The following MYO1D variants were observed in gnomAD, a reference collection of about 807,000 sequenced individuals.
MYO1D encodes the protein myosin ID.
A neutral mutation model predicts 122.0 loss-of-function variants in MYO1D; 83 were observed. The ratio of observed to expected loss-of-function variants is 0.68; its 90% CI spans 0.57 to 0.82. MYO1D has a LOEUF of 0.82. MYO1D is among the 40% of genes least tolerant of loss of function. The pLI, the probability that MYO1D is intolerant of heterozygous loss-of-function variation, is 0.00. For missense variants in MYO1D, 1,157 were observed against 1,269.5 expected, an observed-to-expected ratio of 0.91 and a Z score of 1.35; for synonymous variants, 464 against 446.9, an observed-to-expected ratio of 1.04 and a Z score of -0.48.
chr17:32,600,135 C>CT (rs1462655825), intron 21 of MYO1D, among the ~76,000 whole-genome samples: 1 of 152,240 alleles, frequency 6.6e-6, no homozygotes, highest in African/African-American at 2.4e-5. Flanking sequence ...TGAAAGGAAT[C>CT]TTTTTTTTCT....
chr17:32,523,689 T>G (rs1910237306), intron 21 of MYO1D, among the ~76,000 whole-genome samples: 1 of 150,006 alleles, frequency 6.7e-6, no homozygotes, highest in Admixed American at 6.7e-5. Context: ...TAGTCCCAGC[T>G]ACTTAGGAGG....
intron 19 of MYO1D, among the ~76,000 whole-genome samples, chr17:32,652,420 A>G (rs1000951213): frequency 2.6e-5 from 4 of 152,184 alleles, no homozygotes; most frequent in Admixed American, 6.5e-5. Flanking sequence ...GGCCTTTATT[A>G]TGAGGTAATT....
At chr17:32,813,757 A>G (rs2090591471) in intron 1 of MYO1D, among the ~76,000 whole-genome samples, 1 of 152,214 alleles carries the variant, frequency 6.6e-6, no homozygotes, top group Non-Finnish European at 1.5e-5. Flanking sequence ...GACTGGAGCT[A>G]TGGAGACCAG....
intron 16 of MYO1D, among the ~76,000 whole-genome samples, chr17:32,705,862 T>C (rs2089301175): frequency 6.6e-6 from 1 of 152,134 alleles, no homozygotes; most frequent in Non-Finnish European, 1.5e-5. Flanking sequence ...TCTCATGAGA[T>C]CTGATGGTTT....
At chr17:32,736,213 T>C (rs1470658607) in intron 14 of MYO1D, among the ~76,000 whole-genome samples, 2 of 152,184 alleles carry the variant, frequency 1.3e-5, no homozygotes, top group Admixed American at 6.5e-5. Context: ...TGGGAAGCTG[T>C]AGCAGAGATT....
intron 1 of MYO1D, among the ~76,000 whole-genome samples, chr17:32,813,251 G>T (rs2090587296): frequency 6.6e-6 from 1 of 152,174 alleles, no homozygotes; most frequent in East Asian, 1.9e-4. Context: ...TACGCCAAGG[G>T]CTTAGATACA....
At chr17:32,540,223 G>A (rs1208149959) in intron 21 of MYO1D, among the ~76,000 whole-genome samples, 2 of 150,972 alleles carry the variant, frequency 1.3e-5, no homozygotes, top group East Asian at 3.9e-4. Context: ...CCAACTACTC[G>A]GGAGGCTGAG....
chr17:32,776,020 A>ATTC lies in MYO1D; in HGVS notation c.405_407dup (p.Lys135dup). The ATTC allele has an allele frequency of 6.2e-7, 1 of 1,613,656 alleles. No homozygotes were observed. Among genetic ancestry groups the ATTC allele is most frequent in the Middle Eastern group, 1.7e-4 (1 of 6,054 alleles). On this transcript the variant is annotated inframe_insertion, in exon 4 of 22. Transcript: ENST00000318217. ...AAACACAGTTGGACTTAAGCAACAT[A>ATTC]TTCTTCACTCTTTAACACAGATAAA...
At chr17:32,597,642 C>T (rs113556131) in intron 21 of MYO1D, among the ~76,000 whole-genome samples, 2,926 of 152,038 alleles carry the variant, frequency 0.019, 85 homozygotes, top group African/African-American at 0.064. Context: ...GAGGCTGAGG[C>T]GGGTGGATCA....
chr17:32,766,184 G>A (rs2090054862), intron 7 of MYO1D, among the ~76,000 whole-genome samples: 1 of 151,966 alleles, frequency 6.6e-6, no homozygotes, highest in Non-Finnish European at 1.5e-5. Flanking sequence ...ACCCCGCCCA[G>A]CTGAAATGTC....
chr17:32,516,118 T>A (rs578208415), intron 21 of MYO1D, among the ~76,000 whole-genome samples: 2 of 152,364 alleles, frequency 1.3e-5, no homozygotes, highest in African/African-American at 4.8e-5. Context: ...TGCATCAATT[T>A]TCAGACTCTT....
intron 14 of MYO1D, among the ~76,000 whole-genome samples, chr17:32,735,200 A>AT (rs1413463348): frequency 6.6e-6 from 1 of 150,686 alleles, no homozygotes; most frequent in Non-Finnish European, 1.5e-5. Context: ...TTATTTTATT[A>AT]TTTTTTTGAG....
At chr17:32,565,734 T>TGTG (rs200082712) in intron 21 of MYO1D, among the ~76,000 whole-genome samples, 9 of 146,948 alleles carry the variant, frequency 6.1e-5, no homozygotes, top group South Asian at 4.2e-4. Context: ...GTGTGTGTGT[T>TGTG]TTTTTTTTGA....
chr17:32,654,674 T>TTC, intron 17 of MYO1D, 53 bp from the exon 18 acceptor site: 7 of 1,473,594 alleles, frequency 4.8e-6, no homozygotes, highest in Non-Finnish European at 5.4e-6. Flanking sequence ...ATCCCATGCA[T>TTC]TCTCTCTCTC....
chr17:32,801,350 G>A (rs1017500233), intron 1 of MYO1D, among the ~76,000 whole-genome samples: 8 of 152,186 alleles, frequency 5.3e-5, no homozygotes, highest in Non-Finnish European at 8.8e-5. Context: ...TTTGGCCGGC[G>A]TGGCCAGTAT....
At chr17:32,589,788 G>A (rs546966781) in intron 21 of MYO1D, among the ~76,000 whole-genome samples, 1 of 152,254 alleles carries the variant, frequency 6.6e-6, no homozygotes, top group Non-Finnish European at 1.5e-5. Flanking sequence ...CTAAAGGGGT[G>A]GCAAAATAAC....
intron 1 of MYO1D, among the ~76,000 whole-genome samples, chr17:32,810,527 G>A (rs1191369507): frequency 6.6e-6 from 1 of 151,316 alleles, no homozygotes; most frequent in East Asian, 1.9e-4. Flanking sequence ...GCCCAGGCTG[G>A]AGTGCAATGG....
At chr17:32,524,252 C>A (rs573016478) in intron 21 of MYO1D, among the ~76,000 whole-genome samples, 1 of 152,212 alleles carries the variant, frequency 6.6e-6, no homozygotes. Context: ...TTTGGTGGAG[C>A]ATGCTTCCTT....
chr17:32,692,629 G>A (rs1209557963), intron 16 of MYO1D, among the ~76,000 whole-genome samples: 1 of 152,118 alleles, frequency 6.6e-6, no homozygotes, highest in Non-Finnish European at 1.5e-5. Context: ...AAAAGGATTA[G>A]AGGGAACTTA....
Sources: allele counts gnomAD v4.1 joint callset (sites outside exome capture counted in the v4.1 genomes callset), GRCh38; gene constraint gnomAD v4.1.1; transcripts MANE v1.5; gene names NCBI Gene and HGNC (gene_info 2026-07-23, HGNC 2026-07-21).